Variants in ADORA1 observed in about 807,000 individuals in gnomAD.
ADORA1 encodes adenosine receptor A1.
Under a neutral mutation model 19.9 loss-of-function variants are expected in ADORA1, and 6 were observed. That is an observed-to-expected ratio of 0.30 (90% CI 0.17 to 0.59). The LOEUF (loss-of-function observed/expected upper bound fraction) is 0.59, where lower values mean the gene tolerates loss of function less well. ADORA1 is among the 20% of genes least tolerant of loss of function. The probability of loss-of-function intolerance (pLI) is 0.87; values close to 1 mark genes in which losing one functional copy is unlikely to be tolerated. For synonymous variants in ADORA1, 194 were observed against 188.4 expected (o/e 1.03, Z -0.24); for missense variants, 302 against 439.2 (o/e 0.69, Z 2.79).
chr1:203,128,555 C>T lies in ADORA1; in HGVS notation c.-58+123C>T. On this transcript the variant is annotated intron_variant, in intron 2 of 3. Coordinates refer to ENST00000337894, the MANE Select transcript of ADORA1 (RefSeq NM_000674.3). This position sits in a 1 kb window ranked among gnomAD's most constrained non-coding sequence, Gnocchi z 5.9. ...GCTGCCTCACACCTGATAAAAAAGCCAGTGGAGGAGTGAGCGCTGCTATTT... is the reference window on the plus strand; with the variant it reads ...GCTGCCTCACACCTGATAAAAAAGCTAGTGGAGGAGTGAGCGCTGCTATTT... 2.2e-6 allele frequency: 2 copies of T among 890,090 alleles called. No homozygotes were observed. Among genetic ancestry groups the T allele is most frequent in the Non-Finnish European group, 3.2e-6 (2 of 624,278 alleles). 55.1% of individuals were successfully genotyped at this position (890,090 alleles called of 1,614,324 possible).
intron 3 of ADORA1, among the ~76,000 whole-genome samples, chr1:203,132,978 G>C: frequency 6.6e-6 from 1 of 152,066 alleles, no homozygotes; most frequent in Middle Eastern, 3.2e-3. Flanking sequence ...ATCCCGGGAG[G>C]GTTTTGTTGT....
chr1:203,147,538 T>A (rs895115301), intron 3 of ADORA1, among the ~76,000 whole-genome samples: 1 of 152,188 alleles, frequency 6.6e-6, no homozygotes, highest in Non-Finnish European at 1.5e-5. Context: ...GCCTTGCTAC[T>A]CAAAGCGTGG....
intron 3 of ADORA1, among the ~76,000 whole-genome samples, chr1:203,140,101 T>C (rs1413572656): frequency 3.3e-5 from 5 of 152,198 alleles, no homozygotes; most frequent in African/African-American, 1.2e-4. Context: ...TCATTCCATC[T>C]AGGCAAGGGT....
At chr1:203,143,232 G>A (rs1453796224) in intron 3 of ADORA1, among the ~76,000 whole-genome samples, 1 of 152,174 alleles carries the variant, frequency 6.6e-6, no homozygotes, top group Non-Finnish European at 1.5e-5. Flanking sequence ...CCTCCTTGCT[G>A]CGTCACAGTG....
intron 3 of ADORA1, among the ~76,000 whole-genome samples, chr1:203,137,261 C>T (rs1373002930): frequency 3.3e-5 from 5 of 152,132 alleles, no homozygotes; most frequent in South Asian, 4.1e-4. Context: ...GAGGCCCTAG[C>T]ATAGGAATGT....
At position 203,128,349 on chromosome 1, in the gene ADORA1, G is replaced by GCCCTA; in HGVS notation, c.-138_-134dup. ...CGCGCGTTGTCCAGAGCCCAGCCCA[G>GCCCTA]CCCTACCGCGCGCGGCCCGGAGCTC... is the stretch of plus-strand genomic sequence containing the variant. On this transcript the variant is annotated 5_prime_UTR_variant, in exon 2 of 4. An upstream open reading frame in the 5' UTR gains an earlier in-frame stop. Coordinates refer to ENST00000337894, the MANE Select transcript of ADORA1 (RefSeq NM_000674.3). The surrounding 1 kb of genome is among the most constrained non-coding windows in gnomAD (Gnocchi z 5.9). The GCCCTA allele has an allele frequency of 7.8e-7, 1 of 1,290,080 alleles. No individual in the cohort carries two copies. The highest frequency in any genetic ancestry group is 1.2e-5 in the South Asian group (1 of 81,004). 79.9% of individuals were successfully genotyped at this position (1,290,080 alleles called of 1,614,324 possible).
chr1:203,128,421 G>C lies in ADORA1; in HGVS notation c.-69G>C, dbSNP rs1305429810. ...CTGCCTCTGGGACCCCTGCCGGCCAGCAGGCAGGATGGTGAGCTCCCTGCA... is the reference window on the plus strand; with the variant it reads ...CTGCCTCTGGGACCCCTGCCGGCCACCAGGCAGGATGGTGAGCTCCCTGCA... On this transcript the variant is annotated 5_prime_UTR_variant, in exon 2 of 4. Coordinates refer to ENST00000337894, the MANE Select transcript of ADORA1 (RefSeq NM_000674.3). The surrounding 1 kb of genome is among the most constrained non-coding windows in gnomAD (Gnocchi z 5.9). 6 of 1,293,370 alleles carry C rather than the reference G, an allele frequency of 4.6e-6. No individual in the cohort carries two copies. Among genetic ancestry groups the C allele is most frequent in the Non-Finnish European group, 4.0e-6 (4 of 991,664 alleles). 80.1% of individuals were successfully genotyped at this position (1,293,370 alleles called of 1,614,324 possible).
intron 3 of ADORA1, among the ~76,000 whole-genome samples, chr1:203,146,167 G>T (rs1001948650): frequency 1.3e-5 from 2 of 152,080 alleles, no homozygotes; most frequent in African/African-American, 4.8e-5. Flanking sequence ...TGTCAGGGGT[G>T]GGGGAGGGGC....
chr1:203,142,221 T>C (rs1249568259), intron 3 of ADORA1, among the ~76,000 whole-genome samples: 3 of 152,224 alleles, frequency 2.0e-5, no homozygotes, highest in Non-Finnish European at 4.4e-5. Context: ...AGTTTGTTTT[T>C]TATTTACCAC....
chr1:203,128,635 C>T lies in ADORA1; in HGVS notation c.-57-150C>T. Reference sequence around the variant, plus strand: ...ATAAAGGGAAGGGACAAAGATTAGGCAGAGAAGGGTCCGGGTGCCCCTCCA... The same window carrying T: ...ATAAAGGGAAGGGACAAAGATTAGGTAGAGAAGGGTCCGGGTGCCCCTCCA... On this transcript the variant is annotated intron_variant, in intron 2 of 3. Coordinates refer to ENST00000337894, the MANE Select transcript of ADORA1 (RefSeq NM_000674.3). The surrounding 1 kb of genome is among the most constrained non-coding windows in gnomAD (Gnocchi z 5.9). The T allele has an allele frequency of 9.9e-7, 1 of 1,010,330 alleles. No homozygotes were observed. The highest frequency in any genetic ancestry group is 1.4e-6 in the Non-Finnish European group (1 of 712,100). The allele number at this position is 1,010,330 out of a possible 1,614,324, so 62.6% of individuals were successfully genotyped here. A position where few individuals can be genotyped will look rare whatever the true frequency, so the allele number is the denominator to read the frequency against.
intron 3 of ADORA1, among the ~76,000 whole-genome samples, chr1:203,159,640 A>C (rs961071509): frequency 6.6e-6 from 1 of 152,158 alleles, no homozygotes; most frequent in African/African-American, 2.4e-5. Context: ...TTCACTCTCT[A>C]AAATGATCTG....
rs1655518136 is a variant in ADORA1, at chr1:203,165,513, C to T, written c.594C>T (p.Leu198=). 3 of 1,613,646 alleles carry T rather than the reference C, an allele frequency of 1.9e-6. No individual in the cohort carries two copies. The highest frequency in any genetic ancestry group is 2.7e-5 in the African/African-American group (2 of 75,054). The change falls in exon 4 of 4, where the codon CTC becomes CTT. Residue 198 remains leucine, a synonymous_variant. Transcript: ENST00000337894. This position sits in a 1 kb window ranked among gnomAD's most constrained non-coding sequence, Gnocchi z 5.9. ...WVLPPLLLMV[L]IYLEVFYLIR... ...TGCCCCCGCTTCTCCTCATGGTCCTCATCTACCTGGAGGTCTTCTACCTAA... is the reference window on the plus strand; with the variant it reads ...TGCCCCCGCTTCTCCTCATGGTCCTTATCTACCTGGAGGTCTTCTACCTAA...
chr1:203,155,771 C>T (rs1655180950), intron 3 of ADORA1, among the ~76,000 whole-genome samples: 1 of 152,192 alleles, frequency 6.6e-6, no homozygotes, highest in African/African-American at 2.4e-5. Context: ...CTTGTCATAG[C>T]GGCCTTATGT....
intron 3 of ADORA1, among the ~76,000 whole-genome samples, chr1:203,148,880 T>C (rs1459415776): frequency 1.3e-5 from 2 of 152,104 alleles, no homozygotes; most frequent in South Asian, 2.1e-4. Context: ...ACTGTCTCTC[T>C]GCATTTTTTT....
intron 3 of ADORA1, among the ~76,000 whole-genome samples, chr1:203,145,867 G>A (rs573218382): frequency 6.6e-6 from 1 of 152,280 alleles, no homozygotes; most frequent in South Asian, 2.1e-4. Flanking sequence ...GGCCTGAGGA[G>A]TTCCTTTACA....
intron 3 of ADORA1, among the ~76,000 whole-genome samples, chr1:203,137,635 G>T (rs1185195828): frequency 6.6e-6 from 1 of 152,106 alleles, no homozygotes; most frequent in Non-Finnish European, 1.5e-5. Flanking sequence ...TTCTGGATAT[G>T]CATTTAAAAT....
rs146157327 is a variant in ADORA1 at position 203,152,941 on chromosome 1, G to T, written c.342-12320G>T. Reference sequence around the variant, plus strand: ...GGATATGCCCTGGACTGGGAGAAAGGGATGAGGTTCAGAGGCAAATATACT... The same window carrying T: ...GGATATGCCCTGGACTGGGAGAAAGTGATGAGGTTCAGAGGCAAATATACT... On this transcript the variant is annotated intron_variant, in intron 3 of 3. Coordinates refer to ENST00000337894, the MANE Select transcript of ADORA1 (RefSeq NM_000674.3). Among the ~76,000 whole-genome samples the T allele has an allele frequency of 1.8e-4, 27 of 152,278 alleles. No homozygotes were observed. The East Asian group carries it at 4.0e-3, about 23-fold the overall frequency.
chr1:203,150,340 C>T (rs937281509), intron 3 of ADORA1, among the ~76,000 whole-genome samples: 1 of 152,242 alleles, frequency 6.6e-6, no homozygotes, highest in Non-Finnish European at 1.5e-5. Context: ...TGATGCTAAA[C>T]TCTTCTGTGT....
At position 203,155,016 on chromosome 1, in the gene ADORA1, T is replaced by TTTTTTATTA. The variant is rs372591619; in HGVS notation, c.342-10243_342-10242insTTTATTATT. On this transcript the variant is annotated intron_variant, in intron 3 of 3. Coordinates refer to ENST00000337894, the MANE Select transcript of ADORA1 (RefSeq NM_000674.3). Reference sequence around the variant, plus strand: ...TCTGATGGCATCTGGGCTCTTCCTATTTATTATTATTATTATTATTATTAT... The same window carrying TTTTTTATTA: ...TCTGATGGCATCTGGGCTCTTCCTATTTTTTATTATTATTATTATTATTATTATTATTAT... Among the ~76,000 whole-genome samples the TTTTTTATTA allele has an allele frequency of 4.0e-3, 574 of 142,356 alleles. 4 individuals carry two copies. The highest frequency in any genetic ancestry group is 6.1e-3 in the Non-Finnish European group (403 of 65,866). 93.4% of individuals were successfully genotyped at this position (142,356 alleles called of 152,430 possible).
Sources: allele counts gnomAD v4.1 joint callset (sites outside exome capture counted in the v4.1 genomes callset), GRCh38; gene constraint gnomAD v4.1.1; non-coding constraint Gnocchi (gnomAD v3.1); transcripts MANE v1.5; gene names NCBI Gene and HGNC (gene_info 2026-07-23, HGNC 2026-07-21).